VWA3B: variants seen among roughly 807,000 people sequenced by gnomAD.
VWA3B encodes the protein von Willebrand factor A domain containing 3B.
In VWA3B, 138 loss-of-function variants were observed where a neutral mutation model predicts 158.3. The ratio of observed to expected loss-of-function variants is 0.87; its 90% CI spans 0.76 to 1.00. VWA3B has a LOEUF of 1.00. Among genes scored for constraint, VWA3B ranks in the 50% least tolerant of loss-of-function variants. The pLI is 0.00. For synonymous variants in VWA3B, 596 were observed against 587.3 expected, an observed-to-expected ratio of 1.01 and a Z score of -0.21; for missense variants, 1,555 against 1,565.1, an observed-to-expected ratio of 0.99 and a Z score of 0.11.
chr2:98,118,216 C>G (rs1674680683), intron 3 of VWA3B, among the ~76,000 whole-genome samples: 1 of 152,108 alleles, frequency 6.6e-6, no homozygotes, highest in Admixed American at 6.5e-5. Flanking sequence ...ATGTGCCCAC[C>G]CTGGCTTCTG....
intron 2 of VWA3B, among the ~76,000 whole-genome samples, chr2:98,108,688 T>C (rs994807652): frequency 6.6e-6 from 1 of 152,084 alleles, no homozygotes; most frequent in Non-Finnish European, 1.5e-5. Context: ...AATATTTGCA[T>C]GGCCTATCTT....
At chr2:98,173,892 G>C (rs1256826292) in intron 8 of VWA3B, among the ~76,000 whole-genome samples, 1 of 152,050 alleles carries the variant, frequency 6.6e-6, no homozygotes, top group Non-Finnish European at 1.5e-5. Flanking sequence ...GCTTGAACTC[G>C]GGAGGCGGAG....
chr2:98,263,715 CTCTG>C (rs1687621664), intron 21 of VWA3B, among the ~76,000 whole-genome samples: 1 of 151,856 alleles, frequency 6.6e-6, no homozygotes, highest in African/African-American at 2.4e-5. Context: ...CTTGTAGTAT[CTCTG>C]TCTGGTTATG....
chr2:98,200,198 G>A (rs967747382), intron 12 of VWA3B, among the ~76,000 whole-genome samples: 1 of 152,062 alleles, frequency 6.6e-6, no homozygotes, highest in Admixed American at 6.6e-5. Flanking sequence ...TAATTGAGTT[G>A]TTTGTTTTCT....
At chr2:98,257,602 G>A (rs1458375829) in intron 21 of VWA3B, among the ~76,000 whole-genome samples, 1 of 151,538 alleles carries the variant, frequency 6.6e-6, no homozygotes. Context: ...ATTCTGCTGT[G>A]GTTTTGATAC....
chr2:98,316,259 C>T (rs1409737279), downstream of VWA3B, among the ~76,000 whole-genome samples: 2 of 152,180 alleles, frequency 1.3e-5, no homozygotes, highest in African/African-American at 2.4e-5. Context: ...TGAGCATGCA[C>T]CTGTCTGCAA....
intron 12 of VWA3B, among the ~76,000 whole-genome samples, chr2:98,208,871 T>G (rs1683250418): frequency 6.6e-6 from 1 of 152,202 alleles, no homozygotes; most frequent in African/African-American, 2.4e-5. Context: ...GCTTTTTTCT[T>G]TTCTCGTTCT....
chr2:98,227,743 A>T (rs1685028834), intron 14 of VWA3B, among the ~76,000 whole-genome samples: 1 of 152,178 alleles, frequency 6.6e-6, no homozygotes, highest in Non-Finnish European at 1.5e-5. Flanking sequence ...GAATTGAGGG[A>T]GAGGGCTTGT....
intron 23 of VWA3B, 123 bp downstream of exon 23, chr2:98,290,745 A>G: frequency 1.4e-6 from 1 of 695,478 alleles, no homozygotes; most frequent in Non-Finnish European, 2.4e-6. Context: ...GAGCTAGTCC[A>G]CTTTTCACAG....
chr2:98,121,370 TCA>T lies in VWA3B; in HGVS notation c.615_616del (p.Ile205MetfsTer4). 6.2e-7 allele frequency: 1 copy of T among 1,614,206 alleles called. No homozygotes were observed. The highest frequency in any genetic ancestry group is 8.5e-7 in the Non-Finnish European group (1 of 1,180,032). ...ACCGAACAGTCCATAGCTACTGCCA[TCA>T]GTTGGGTTGAGAAACTGACGGTTGA... On this transcript the variant is annotated frameshift_variant, in exon 5 of 28. Transcript: ENST00000477737. LOFTEE classifies it high-confidence loss of function.
intron 20 of VWA3B, among the ~76,000 whole-genome samples, chr2:98,254,819 G>A (rs913788752): frequency 6.6e-6 from 1 of 152,116 alleles, no homozygotes; most frequent in African/African-American, 2.4e-5. Flanking sequence ...CCTCTTCAGA[G>A]GCCCTGTCTG....
rs1428722072 is a variant in VWA3B, at chr2:98,210,269, C to T, written c.1738-1661C>T. On this transcript the variant is annotated intron_variant, in intron 12 of 27. Coordinates refer to ENST00000477737, the MANE Select transcript of VWA3B (RefSeq NM_144992.5). ...GTGGTTTCCTGCCTATCCTACTCAT[C>T]CTTTAAGAGTCTTCCCTGCTGTCTC... is the stretch of plus-strand genomic sequence containing the variant. Among the ~76,000 whole-genome samples the T allele has an allele frequency of 2.0e-5, 3 of 152,150 alleles. No individual in the cohort carries two copies. In the East Asian group the frequency reaches 5.8e-4, roughly 29 times the overall value.
intron 12 of VWA3B, among the ~76,000 whole-genome samples, chr2:98,203,110 C>T (rs920339344): frequency 6.6e-5 from 10 of 152,194 alleles, no homozygotes; most frequent in Non-Finnish European, 8.8e-5. Context: ...GGATTACAGG[C>T]GTGAGCCACC....
intron 8 of VWA3B, among the ~76,000 whole-genome samples, chr2:98,177,495 C>G (rs1158263495): frequency 6.6e-6 from 1 of 151,992 alleles, no homozygotes; most frequent in East Asian, 1.9e-4. Flanking sequence ...CCTTCCCTGC[C>G]CCTCCCAGGA....
At chr2:98,298,373 G>GATTCTATTCTATTCT (rs61254436) in intron 24 of VWA3B, among the ~76,000 whole-genome samples, 3,541 of 122,280 alleles carry the variant, frequency 0.029, 129 homozygotes, top group East Asian at 0.069. Context: ...AACTACAAAA[G>GATTCTATTCTATTCT]ATTCTATTCT....
intron 5 of VWA3B, among the ~76,000 whole-genome samples, chr2:98,124,865 A>G (rs1675235026): frequency 1.3e-5 from 2 of 152,196 alleles, no homozygotes; most frequent in Admixed American, 6.5e-5. Flanking sequence ...GCGGGGCAGA[A>G]TGCATGTTAC....
chr2:98,233,613 C>A (rs932806973), intron 16 of VWA3B, among the ~76,000 whole-genome samples: 1 of 152,106 alleles, frequency 6.6e-6, no homozygotes, highest in African/African-American at 2.4e-5. Flanking sequence ...CAGGGCTTAC[C>A]CTTTTGTTGC....
intron 13 of VWA3B, among the ~76,000 whole-genome samples, chr2:98,212,454 A>G (rs1055517289): frequency 1.3e-5 from 2 of 152,206 alleles, no homozygotes; most frequent in African/African-American, 4.8e-5. Flanking sequence ...AAACAAAAAC[A>G]TGCCTTTCTA....
At chr2:98,305,052 A>C (rs1690436280) in intron 26 of VWA3B, among the ~76,000 whole-genome samples, 1 of 152,064 alleles carries the variant, frequency 6.6e-6, no homozygotes, top group Non-Finnish European at 1.5e-5. Context: ...TGAACCAGTG[A>C]GCTCCGCCCT....
Sources: allele counts gnomAD v4.1 joint callset (sites outside exome capture counted in the v4.1 genomes callset), GRCh38; gene constraint gnomAD v4.1.1; transcripts MANE v1.5; gene names NCBI Gene and HGNC (gene_info 2026-07-23, HGNC 2026-07-21).